The following PDE4B variants were observed in gnomAD, a reference collection of about 807,000 sequenced individuals.
The protein encoded by PDE4B is 3',5'-cyclic-AMP phosphodiesterase 4B.
A neutral mutation model predicts 82.2 loss-of-function variants in PDE4B; 20 were observed. The observed-to-expected ratio is 0.24, with a 90% CI of 0.17 to 0.35. The LOEUF is 0.35. PDE4B is among the 10% of genes least tolerant of loss of function. The pLI, the probability that PDE4B is intolerant of heterozygous loss-of-function variation, is 1.00. For missense variants in PDE4B, 655 were observed against 907.2 expected (o/e 0.72, Z 3.57); for synonymous variants, 320 against 318.9 (o/e 1.00, Z -0.04).
At position 66,331,924 on chromosome 1, in the gene PDE4B, T is replaced by C. The variant is rs1010608412; in HGVS notation, c.635-584T>C. 5 of 994,052 alleles carry C rather than the reference T, an allele frequency of 5.0e-6. No individual in the cohort carries two copies. The South Asian group carries it at 2.2e-4, about 44-fold the overall frequency. 61.6% of individuals were successfully genotyped at this position (994,052 alleles called of 1,614,324 possible). On this transcript the variant is annotated intron_variant, in intron 7 of 16. Transcript: ENST00000341517. ...TATGCCTCTTACTTGTGCGGGTCAG[T>C]GTTCGCTGAATTAGAAGTTATTCCA... is the stretch of plus-strand genomic sequence containing the variant.
intron 12 of PDE4B, among the ~76,000 whole-genome samples, chr1:66,364,394 T>C (rs1477433796): frequency 6.6e-6 from 1 of 152,174 alleles, no homozygotes; most frequent in African/African-American, 2.4e-5. Context: ...GTGGCTCCCT[T>C]CCTTCATAGA....
At chr1:65,999,548 G>T (rs1024294005) in intron 3 of PDE4B, among the ~76,000 whole-genome samples, 3 of 152,134 alleles carry the variant, frequency 2.0e-5, no homozygotes, top group African/African-American at 7.2e-5. Context: ...CTATCTCCAG[G>T]TATCACTATC....
chr1:66,293,673 T>C (rs931037619), intron 7 of PDE4B, among the ~76,000 whole-genome samples: 4 of 152,158 alleles, frequency 2.6e-5, no homozygotes, highest in African/African-American at 9.7e-5. Context: ...TATTCAACAT[T>C]GCATCTTCTA....
chr1:65,883,717 G>A (rs1343075563), intron 1 of PDE4B, among the ~76,000 whole-genome samples: 2 of 152,150 alleles, frequency 1.3e-5, no homozygotes, highest in Non-Finnish European at 2.9e-5. Context: ...GTGAGAGAGG[G>A]CATCCCTGTC....
chr1:66,077,117 GTTTTC>G (rs2100945725), intron 3 of PDE4B, among the ~76,000 whole-genome samples: 1 of 151,962 alleles, frequency 6.6e-6, no homozygotes, highest in African/African-American at 2.4e-5. Flanking sequence ...TATTTCCTAG[GTTTTC>G]TTTTAGGATC....
At chr1:66,369,676 C>T (rs971726083) in intron 16 of PDE4B, among the ~76,000 whole-genome samples, 2 of 152,186 alleles carry the variant, frequency 1.3e-5, no homozygotes, top group African/African-American at 4.8e-5. Flanking sequence ...AGAATGAGTT[C>T]ATAGACTGTC....
intron 1 of PDE4B, among the ~76,000 whole-genome samples, chr1:65,797,329 C>T (rs1465525813): frequency 6.6e-6 from 1 of 152,142 alleles, no homozygotes; most frequent in Non-Finnish European, 1.5e-5. Flanking sequence ...GTTGGTGTCA[C>T]TTGATTGTCT....
At chr1:65,949,370 A>G (rs1260009317) in intron 3 of PDE4B, among the ~76,000 whole-genome samples, 1 of 151,988 alleles carries the variant, frequency 6.6e-6, no homozygotes, top group African/African-American at 2.4e-5. Context: ...TGGCATCTCT[A>G]TTTTGTTTAC....
chr1:66,048,555 T>C (rs1654841019), intron 3 of PDE4B, among the ~76,000 whole-genome samples: 1 of 151,912 alleles, frequency 6.6e-6, no homozygotes, highest in Admixed American at 6.6e-5. Flanking sequence ...AAGAAAGTAG[T>C]CTAGGAGAAA....
intron 1 of PDE4B, among the ~76,000 whole-genome samples, chr1:65,885,455 C>A (rs1193605482): frequency 6.6e-6 from 1 of 152,064 alleles, no homozygotes; most frequent in Admixed American, 6.6e-5. Context: ...AGACTTGGAA[C>A]CAACCCAAAT....
chr1:65,910,781 G>A (rs1346261871), intron 1 of PDE4B, among the ~76,000 whole-genome samples: 1 of 152,134 alleles, frequency 6.6e-6, no homozygotes, highest in Admixed American at 6.6e-5. Context: ...TTTTGCAACT[G>A]CCTCCATTGG....
chr1:65,891,861 G>T (rs1646856378), intron 1 of PDE4B, among the ~76,000 whole-genome samples: 1 of 151,992 alleles, frequency 6.6e-6, no homozygotes, highest in Non-Finnish European at 1.5e-5. Flanking sequence ...AATAAAATCA[G>T]TCTTTTAGAG....
upstream of PDE4B, among the ~76,000 whole-genome samples, chr1:65,792,879 G>A (rs1645587228): frequency 6.6e-6 from 1 of 152,030 alleles, no homozygotes; most frequent in Non-Finnish European, 1.5e-5. Flanking sequence ...AGTAGGGAGA[G>A]GGGGTTTAAA....
intron 4 of PDE4B, among the ~76,000 whole-genome samples, chr1:66,251,242 C>T (rs907197888): frequency 2.0e-5 from 3 of 152,120 alleles, no homozygotes; most frequent in Non-Finnish European, 4.4e-5. Flanking sequence ...CTCCATATCC[C>T]CAATGTGGTA....
chr1:66,065,035 A>G (rs945342944), intron 3 of PDE4B, among the ~76,000 whole-genome samples: 3 of 151,926 alleles, frequency 2.0e-5, no homozygotes, highest in African/African-American at 7.2e-5. Context: ...AAACATTTCT[A>G]TGTACTTCTT....
intron 1 of PDE4B, among the ~76,000 whole-genome samples, chr1:65,802,002 T>C (rs1190564820): frequency 6.6e-6 from 1 of 152,154 alleles, no homozygotes; most frequent in East Asian, 1.9e-4. Context: ...GACTCTCCAT[T>C]TGGATTTGTC....
rs571271365 is a variant in PDE4B at position 65,876,969 on chromosome 1, C to A, written c.-70-36276C>A. On this transcript the variant is annotated intron_variant, in intron 1 of 16. Coordinates refer to ENST00000341517, the MANE Select transcript of PDE4B (RefSeq NM_002600.4). ...GATGAATCAATATCATGAAAATGGC[C>A]ATACTGCCCAAAGTAATTTATAGAT... 1.4e-3 allele frequency among the ~76,000 whole-genome samples: 207 copies of A among 152,242 alleles called. 1 individual carries two copies. Among genetic ancestry groups the A allele is most frequent in the African/African-American group, 4.8e-3 (199 of 41,540 alleles).
At chr1:65,830,920 A>G (rs963957171) in intron 1 of PDE4B, among the ~76,000 whole-genome samples, 1 of 152,134 alleles carries the variant, frequency 6.6e-6, no homozygotes, top group Middle Eastern at 3.2e-3. Context: ...AATTCTCTGA[A>G]TTATCCTTGC....
chr1:66,331,891 GAATAGCC>G (rs1660139118), intron 7 of PDE4B: 2 of 986,908 alleles, frequency 2.0e-6, no homozygotes, highest in Non-Finnish European at 2.4e-6. Flanking sequence ...GGAGAGAAAG[GAATAGCC>G]TATGCCTCTT....
Sources: allele counts gnomAD v4.1 joint callset (sites outside exome capture counted in the v4.1 genomes callset), GRCh38; gene constraint gnomAD v4.1.1; transcripts MANE v1.5; gene names NCBI Gene and HGNC (gene_info 2026-07-23, HGNC 2026-07-21).